The following CUL2 variants were observed in gnomAD, a reference collection of about 807,000 sequenced individuals.
The protein encoded by CUL2 is cullin 2.
Under a neutral mutation model 110.2 loss-of-function variants are expected in CUL2, and 22 were observed. That is an observed-to-expected ratio of 0.20 (90% CI 0.14 to 0.28). The LOEUF (loss-of-function observed/expected upper bound fraction) is 0.28, where lower values mean the gene tolerates loss of function less well. CUL2 is among the 10% of genes least tolerant of loss of function. The pLI is 1.00. For missense variants in CUL2, 631 were observed against 905.5 expected (o/e 0.70, Z 3.89); for synonymous variants, 279 against 293.2 (o/e 0.95, Z 0.49).
chr10:35,036,802 C>T lies in CUL2; in HGVS notation c.878-1506G>A, dbSNP rs190149193. On this transcript the variant is annotated intron_variant, in intron 9 of 20. Coordinates refer to ENST00000374749, the MANE Select transcript of CUL2 (RefSeq NM_003591.4). ...AGGCTGGAGTGCAGTGGCAGGATCTCGGCTCACTGCAACCACCACCTCCCA... is the reference window on the plus strand; with the variant it reads ...AGGCTGGAGTGCAGTGGCAGGATCTTGGCTCACTGCAACCACCACCTCCCA... 1.2e-4 allele frequency among the ~76,000 whole-genome samples: 18 copies of T among 152,080 alleles called. 1 individual carries two copies. Among genetic ancestry groups the T allele is most frequent in the Admixed American group, 9.8e-4 (15 of 15,276 alleles).
intron 17 of CUL2, among the ~76,000 whole-genome samples, chr10:35,023,160 A>G (rs1039610775): frequency 1.3e-5 from 2 of 152,232 alleles, no homozygotes; most frequent in African/African-American, 4.8e-5. Context: ...AGCTTGAGTT[A>G]ATCATTTTAC....
intron 1 of CUL2, among the ~76,000 whole-genome samples, chr10:35,083,268 T>C (rs1162885120): frequency 6.6e-6 from 1 of 152,180 alleles, no homozygotes; most frequent in Non-Finnish European, 1.5e-5. Context: ...CCTGTGGTAA[T>C]GAGTTGTAAT....
intron 19 of CUL2, among the ~76,000 whole-genome samples, chr10:35,013,002 T>C (rs1437090402): frequency 6.6e-6 from 1 of 152,126 alleles, no homozygotes; most frequent in Non-Finnish European, 1.5e-5. Context: ...CATTTGCATA[T>C]GAAAGTTTAA....
intron 1 of CUL2, among the ~76,000 whole-genome samples, chr10:35,104,837 C>A (rs1054725779): frequency 6.6e-6 from 1 of 151,934 alleles, no homozygotes; most frequent in Non-Finnish European, 1.5e-5. Context: ...TCAAGCGATT[C>A]TTTTGCCTCA....
At chr10:35,109,026 A>T (rs1279702333) in intron 1 of CUL2, among the ~76,000 whole-genome samples, 1 of 152,192 alleles carries the variant, frequency 6.6e-6, no homozygotes, top group Non-Finnish European at 1.5e-5. Flanking sequence ...CAGCCTGGGC[A>T]GGATGGCAAA....
intron 15 of CUL2, among the ~76,000 whole-genome samples, chr10:35,029,205 GCAC>G (rs1387689558): frequency 6.6e-6 from 1 of 151,948 alleles, no homozygotes; most frequent in African/African-American, 2.4e-5. Flanking sequence ...TTACAGGCAC[GCAC>G]CACCACACCT....
chr10:35,107,828 G>GCCTAGAT (rs2135122691), intron 1 of CUL2, among the ~76,000 whole-genome samples: 2 of 140,686 alleles, frequency 1.4e-5, no homozygotes, highest in South Asian at 4.6e-4. Context: ...CTTGCAGTGA[G>GCCTAGAT]CCTAGATCGC....
intron 5 of CUL2, among the ~76,000 whole-genome samples, chr10:35,051,793 GT>G (rs1274051536): frequency 1.3e-5 from 2 of 152,124 alleles, no homozygotes; most frequent in African/African-American, 4.8e-5. Flanking sequence ...AAAAGCTAGA[GT>G]TTTTTATATA....
chr10:35,078,635 A>C (rs997850382), intron 1 of CUL2, among the ~76,000 whole-genome samples: 1 of 152,154 alleles, frequency 6.6e-6, no homozygotes, highest in African/African-American at 2.4e-5. Flanking sequence ...TGTTCCTGTG[A>C]ACTCACTTGC....
chr10:35,011,142 C>T (rs189523654), intron 20 of CUL2, among the ~76,000 whole-genome samples: 15 of 152,182 alleles, frequency 9.9e-5, no homozygotes, highest in African/African-American at 3.1e-4. Flanking sequence ...GCAATCCTCC[C>T]GCCTCAGCCT....
At chr10:35,082,401 G>A (rs2135045920) in intron 1 of CUL2, among the ~76,000 whole-genome samples, 1 of 152,266 alleles carries the variant, frequency 6.6e-6, no homozygotes, top group East Asian at 1.9e-4. Context: ...GGGGGAAGGG[G>A]AAATGGGGAG....
Position 35,011,853 on chromosome 10 carries a change from G to C in CUL2, c.2101C>G (p.Gln701Glu), listed in dbSNP as rs2084910605. 6.3e-7 allele frequency: 1 copy of C among 1,595,170 alleles called. No homozygotes were observed. The highest frequency in any genetic ancestry group is 8.6e-7 in the Non-Finnish European group (1 of 1,163,230). ...GAGGACTGCCCTCCTTTTACCTCTTGAATAAGGGCATTGTGCCGAAGCACT... is the reference window on the plus strand; with the variant it reads ...GAGGACTGCCCTCCTTTTACCTCTTCAATAAGGGCATTGTGCCGAAGCACT... ...RKVLRHNALI[Q>E]EVISQSRARF... Residue 701 changes from glutamine to glutamate, a missense_variant, in exon 20 of 21, where the codon CAA becomes GAA. Physicochemically the swap from Gln to Glu is conservative, Grantham distance 29. Transcript: ENST00000374749.
At chr10:35,019,656 A>T (rs1013010434) in intron 17 of CUL2, among the ~76,000 whole-genome samples, 2 of 152,208 alleles carry the variant, frequency 1.3e-5, no homozygotes. Flanking sequence ...GCCAACAATA[A>T]ATAATTCAAG....
intron 17 of CUL2, among the ~76,000 whole-genome samples, chr10:35,019,613 T>C (rs1178088256): frequency 6.6e-6 from 1 of 152,112 alleles, no homozygotes; most frequent in African/African-American, 2.4e-5. Context: ...AAAACTAAAA[T>C]AAAACATTCT....
At chr10:35,061,483 A>C (rs542682959) in intron 3 of CUL2, among the ~76,000 whole-genome samples, 29 of 151,022 alleles carry the variant, frequency 1.9e-4, no homozygotes, top group African/African-American at 6.1e-4. Context: ...AAAAAATCAC[A>C]CTTATAATGT....
At chr10:35,052,109 T>G (rs1438658025) in intron 5 of CUL2, among the ~76,000 whole-genome samples, 1 of 152,210 alleles carries the variant, frequency 6.6e-6, no homozygotes, top group African/African-American at 2.4e-5. Context: ...TTTTGTTTGT[T>G]TGACTCTTCT....
At chr10:35,106,549 G>A (rs1375716352) in intron 1 of CUL2, among the ~76,000 whole-genome samples, 6 of 151,186 alleles carry the variant, frequency 4.0e-5, no homozygotes, top group Admixed American at 4.0e-4. Context: ...AGCCAGGATG[G>A]TCTCAATCTC....
upstream of CUL2, among the ~76,000 whole-genome samples, chr10:35,093,659 C>CAAAAAAAAAAAAAAA (rs58582764): frequency 5.2e-4 from 46 of 87,744 alleles, no homozygotes; most frequent in South Asian, 7.7e-4. Flanking sequence ...GACCTTCTCT[C>CAAAAAAAAAAAAAAA]AAAAAAAAAA....
chr10:35,043,973 C>T (rs372895258), intron 8 of CUL2, among the ~76,000 whole-genome samples: 1 of 142,232 alleles, frequency 7.0e-6, no homozygotes, highest in South Asian at 2.2e-4. Flanking sequence ...TAGGCTGAGA[C>T]AGGAGGACCA....
Sources: allele counts gnomAD v4.1 joint callset (sites outside exome capture counted in the v4.1 genomes callset), GRCh38; gene constraint gnomAD v4.1.1; transcripts MANE v1.5; gene names NCBI Gene and HGNC (gene_info 2026-07-23, HGNC 2026-07-21).